RIMKLB: variants seen among roughly 807,000 people sequenced by gnomAD.
RIMKLB encodes the protein beta-citrylglutamate synthase B.
A neutral mutation model predicts 32.0 loss-of-function variants in RIMKLB; 7 were observed. The observed-to-expected ratio is 0.22, with a 90% CI of 0.12 to 0.41. The LOEUF is 0.41. Among genes scored for constraint, RIMKLB ranks in the 10% least tolerant of loss-of-function variants. The probability of loss-of-function intolerance (pLI) is 1.00; values close to 1 mark genes in which losing one functional copy is unlikely to be tolerated. For missense variants in RIMKLB, 289 were observed against 498.7 expected (o/e 0.58, Z 4.00); for synonymous variants, 172 against 185.1 (o/e 0.93, Z 0.57).
Position 8,775,436 on chromosome 12 carries a change from C to T in RIMKLB, c.*1652C>T. On this transcript the variant is annotated 3_prime_UTR_variant, in exon 6 of 6. Coordinates refer to ENST00000535829, the MANE Select transcript of RIMKLB (RefSeq NM_001297776.2). ...GGTATGTTAAGAAATGGAGATGCTGCAGAGCCCAACGTAATTTTTTAAACA... is the reference window on the plus strand; with the variant it reads ...GGTATGTTAAGAAATGGAGATGCTGTAGAGCCCAACGTAATTTTTTAAACA... 1 of 985,560 alleles carries T rather than the reference C, an allele frequency of 1.0e-6. No individual in the cohort carries two copies. The highest frequency in any genetic ancestry group is 1.2e-6 in the Non-Finnish European group (1 of 829,890). 61.1% of individuals were successfully genotyped at this position (985,560 alleles called of 1,614,324 possible). A position where few individuals can be genotyped will look rare whatever the true frequency, so the allele number is the denominator to read the frequency against.
intron 2 of RIMKLB, among the ~76,000 whole-genome samples, chr12:8,739,952 G>A (rs764317645): frequency 1.3e-5 from 2 of 152,196 alleles, no homozygotes; most frequent in East Asian, 3.9e-4. Flanking sequence ...CTGTCACCCA[G>A]GCTGGGGGTG....
At chr12:8,705,406 G>C (rs950804531) in intron 1 of RIMKLB, among the ~76,000 whole-genome samples, 1 of 151,262 alleles carries the variant, frequency 6.6e-6, no homozygotes, top group Non-Finnish European at 1.5e-5. Flanking sequence ...GAACCCGGGA[G>C]GCAGAGGTTG....
chr12:8,726,066 T>A (rs113102503), intron 2 of RIMKLB, among the ~76,000 whole-genome samples: 6 of 152,376 alleles, frequency 3.9e-5, no homozygotes, highest in Admixed American at 2.0e-4. Flanking sequence ...CTGGTTGGTC[T>A]TGAACTTTTG....
chr12:8,775,214 G>A lies in RIMKLB; in HGVS notation c.*1430G>A, dbSNP rs770087333. ...TTTCTCTTTTTACATATAGGATTTG[G>A]GATTGGGGGTGGGTTGGATGTTTTT... On this transcript the variant is annotated 3_prime_UTR_variant, in exon 6 of 6. Transcript: ENST00000535829. 5.0e-5 allele frequency: 49 copies of A among 985,628 alleles called. No individual in the cohort carries two copies. The East Asian group carries it at 3.6e-3, about 73-fold the overall frequency. 61.1% of individuals were successfully genotyped at this position (985,628 alleles called of 1,614,324 possible). A position where few individuals can be genotyped will look rare whatever the true frequency, so the allele number is the denominator to read the frequency against.
chr12:8,717,388 A>G lies in RIMKLB; in HGVS notation c.175+3347A>G, dbSNP rs760535442. Among the ~76,000 whole-genome samples, 6 of 152,300 alleles carry G rather than the reference A, an allele frequency of 3.9e-5. No homozygotes were observed. The East Asian group carries it at 5.8e-4, about 15-fold the overall frequency. Reference sequence around the variant, plus strand: ...TTCACAGTCAGGTTAAAGAGAGGGTATAGTTGTAAATGAGTAGAAGGCATA... The same window carrying G: ...TTCACAGTCAGGTTAAAGAGAGGGTGTAGTTGTAAATGAGTAGAAGGCATA... On this transcript the variant is annotated intron_variant, in intron 2 of 5. Coordinates refer to ENST00000535829, the MANE Select transcript of RIMKLB (RefSeq NM_001297776.2).
At chr12:8,752,946 A>G (rs1486542881) in intron 4 of RIMKLB, among the ~76,000 whole-genome samples, 13 of 152,080 alleles carry the variant, frequency 8.5e-5, no homozygotes, top group Non-Finnish European at 1.8e-4. Context: ...GGGTTTCACC[A>G]TGTTGGCCAG....
rs1160644822 is a variant in RIMKLB at position 8,774,889 on chromosome 12, C to T, written c.*1105C>T. 1.4e-5 allele frequency: 14 copies of T among 985,492 alleles called. No individual in the cohort carries two copies. Among genetic ancestry groups the T allele is most frequent in the Non-Finnish European group, 1.7e-5 (14 of 829,818 alleles). The allele number at this position is 985,492 out of a possible 1,614,324, so 61.0% of individuals were successfully genotyped here. A position where few individuals can be genotyped will look rare whatever the true frequency, so the allele number is the denominator to read the frequency against. Reference sequence around the variant, plus strand: ...GAGGGAGTATATGTGTATGTGTGTGCACGCATGCATGTGTATGTGTTTTGC... The same window carrying T: ...GAGGGAGTATATGTGTATGTGTGTGTACGCATGCATGTGTATGTGTTTTGC... On this transcript the variant is annotated 3_prime_UTR_variant, in exon 6 of 6. Transcript: ENST00000535829.
the RIMKLB span, among the ~76,000 whole-genome samples, chr12:8,674,219 A>G: frequency 7.4e-6 from 1 of 135,410 alleles, no homozygotes; most frequent in African/African-American, 2.9e-5. Flanking sequence ...TCTTCTCACA[A>G]TTCTTTTTTT....
chr12:8,748,664 G>A (rs1948360091), intron 2 of RIMKLB, among the ~76,000 whole-genome samples: 1 of 151,066 alleles, frequency 6.6e-6, no homozygotes, highest in Admixed American at 6.6e-5. Context: ...GAAACTCGGG[G>A]CGGCCGTGGT....
chr12:8,743,988 G>A (rs1417907529), intron 2 of RIMKLB, among the ~76,000 whole-genome samples: 1 of 151,988 alleles, frequency 6.6e-6, no homozygotes, highest in Non-Finnish European at 1.5e-5. Context: ...AGCACATTCA[G>A]TTGGAATACA....
chr12:8,679,175 A>T (rs1942362246), upstream of RIMKLB: 1 of 152,134 alleles, frequency 6.6e-6, no homozygotes, highest in Non-Finnish European at 1.5e-5. Context: ...TGAGCCATTT[A>T]TTCTTTGTTT....
upstream of RIMKLB, among the ~76,000 whole-genome samples, chr12:8,677,378 A>G (rs765787833): frequency 5.9e-5 from 9 of 152,154 alleles, no homozygotes; most frequent in African/African-American, 2.2e-4. Context: ...CATACACCAC[A>G]CCCTTTATCA....
chr12:8,733,985 TGAG>T (rs1249466407), intron 2 of RIMKLB, among the ~76,000 whole-genome samples: 1 of 152,188 alleles, frequency 6.6e-6, no homozygotes, highest in African/African-American at 2.4e-5. Context: ...GTACAGTGTT[TGAG>T]GAGGACACTG....
At chr12:8,691,064 C>T (rs190853690) in intron 1 of RIMKLB, among the ~76,000 whole-genome samples, 4 of 152,246 alleles carry the variant, frequency 2.6e-5, no homozygotes, top group Non-Finnish European at 4.4e-5. Context: ...TGGTGTGATC[C>T]TCATGCCTAA....
At chr12:8,729,308 A>G (rs1946323813) in intron 2 of RIMKLB, among the ~76,000 whole-genome samples, 2 of 152,078 alleles carry the variant, frequency 1.3e-5, no homozygotes, top group African/African-American at 2.4e-5. Context: ...TTTGCTGCAG[A>G]TGAAAGTGGC....
rs978891823 is a variant in RIMKLB at position 8,773,003 on chromosome 12, CAAT to C, written c.698-313_698-311del. ...TTTATTATTTTTATAAATCAAAAAC[CAAT>C]AATACTTTTGCCATCTATCAAGTGG... On this transcript the variant is annotated intron_variant, in intron 5 of 5. Transcript: ENST00000535829. Among the ~76,000 whole-genome samples, 11 of 151,968 alleles carry C rather than the reference CAAT, an allele frequency of 7.2e-5. No homozygotes were observed. The East Asian group carries it at 1.7e-3, about 24-fold the overall frequency.
chr12:8,736,874 C>T lies in RIMKLB; in HGVS notation c.176-12988C>T, dbSNP rs901337217. Among the ~76,000 whole-genome samples, 8 of 152,222 alleles carry T rather than the reference C, an allele frequency of 5.3e-5. No individual in the cohort carries two copies. The South Asian group carries it at 1.0e-3, about 20-fold the overall frequency. On this transcript the variant is annotated intron_variant, in intron 2 of 5. Coordinates refer to ENST00000535829, the MANE Select transcript of RIMKLB (RefSeq NM_001297776.2). Reference sequence around the variant, plus strand: ...TTGCCCAGGCTGGAATGCAATGGCACGATCTCTGCTCACTGCAGCTTCTGC... The same window carrying T: ...TTGCCCAGGCTGGAATGCAATGGCATGATCTCTGCTCACTGCAGCTTCTGC...
In RIMKLB at chr12:8,760,630, G is replaced by A. The variant is rs57347237; in HGVS notation, c.697+6537G>A. Among the ~76,000 whole-genome samples the A allele has an allele frequency of 2.5e-3, 375 of 151,932 alleles. 4 individuals carry two copies. Among genetic ancestry groups the A allele is most frequent in the African/African-American group, 8.3e-3 (345 of 41,478 alleles). ...GTTGTTTCCTGACTTTTTAATGATC[G>A]CCATTGTAACTGGTGTGAGATGGTA... On this transcript the variant is annotated intron_variant, in intron 5 of 5. Transcript: ENST00000535829.
downstream of RIMKLB, chr12:8,777,256 AAAC>A (rs1179440020): frequency 1.5e-5 from 15 of 972,082 alleles, no homozygotes; most frequent in South Asian, 4.8e-5. Flanking sequence ...TAAAAAAACA[AAAC>A]AAAGTTTCAT....
Sources: allele counts gnomAD v4.1 joint callset (sites outside exome capture counted in the v4.1 genomes callset), GRCh38; gene constraint gnomAD v4.1.1; transcripts MANE v1.5; gene names NCBI Gene and HGNC (gene_info 2026-07-23, HGNC 2026-07-21).